TIAM2: variants seen among roughly 807,000 people sequenced by gnomAD.
TIAM2 encodes the protein rho guanine nucleotide exchange factor TIAM2.
TIAM2 carries 80 observed loss-of-function variants against 152.9 expected under a neutral mutation model. That is an observed-to-expected ratio of 0.52 (90% CI 0.44 to 0.63). TIAM2 has a LOEUF of 0.63. Among genes scored for constraint, TIAM2 ranks in the 30% least tolerant of loss-of-function variants. The pLI, the probability that TIAM2 is intolerant of heterozygous loss-of-function variation, is 0.00. For synonymous variants in TIAM2, 804 were observed against 838.0 expected (o/e 0.96, Z 0.70); for missense variants, 1,965 against 2,120.1 (o/e 0.93, Z 1.44).
At chr6:155,161,738 T>G (rs1265768170) in intron 7 of TIAM2, among the ~76,000 whole-genome samples, 1 of 41,722 alleles carries the variant, frequency 2.4e-5, no homozygotes, top group East Asian at 1.0e-3. Context: ...TGGCTAATGT[T>G]TTTTTTTTTT....
At chr6:155,173,438 C>T (rs747296929) in intron 9 of TIAM2, among the ~76,000 whole-genome samples, 2 of 152,186 alleles carry the variant, frequency 1.3e-5, no homozygotes, top group South Asian at 4.1e-4. Context: ...TCCTTCCATC[C>T]TTCCATCTAT....
chr6:155,120,862 G>C (rs1237311020), intron 2 of TIAM2, among the ~76,000 whole-genome samples: 1 of 152,150 alleles, frequency 6.6e-6, no homozygotes, highest in East Asian at 1.9e-4. Context: ...ATGTCCCTTG[G>C]GGGACAAAAT....
chr6:155,157,049 C>G (rs1780135460), intron 7 of TIAM2, among the ~76,000 whole-genome samples: 1 of 152,192 alleles, frequency 6.6e-6, no homozygotes, highest in Non-Finnish European at 1.5e-5. Flanking sequence ...TAAGGTTGCT[C>G]CTGCTATAAA....
chr6:155,084,238 T>C (rs1357097954), intron 1 of TIAM2, among the ~76,000 whole-genome samples: 1 of 152,124 alleles, frequency 6.6e-6, no homozygotes, highest in Non-Finnish European at 1.5e-5. Context: ...CACAGCCTCT[T>C]ACCCCCACCC....
intron 15 of TIAM2, among the ~76,000 whole-genome samples, chr6:155,230,296 C>G (rs1006340237): frequency 1.3e-5 from 2 of 152,234 alleles, no homozygotes; most frequent in African/African-American, 4.8e-5. Context: ...GACCCTGCCT[C>G]TCTGTCCTGC....
chr6:155,218,718 G>A lies in TIAM2; in HGVS notation c.3168+7411G>A, dbSNP rs999791239. Among the ~76,000 whole-genome samples the A allele has an allele frequency of 5.3e-5, 8 of 152,156 alleles. No homozygotes were observed. The highest frequency in any genetic ancestry group is 1.9e-4 in the African/African-American group (8 of 41,432). On this transcript the variant is annotated intron_variant, in intron 15 of 26. Coordinates refer to ENST00000682666, the MANE Select transcript of TIAM2 (RefSeq NM_012454.4). The surrounding 1 kb of genome is among the most constrained non-coding windows in gnomAD (Gnocchi z 4.5). ...CTAATGGCCTCTTGAGCTGAGATTC[G>A]ATGTCAGGTAGGAAACTGAACAAAT...
At chr6:154,997,134 T>A (rs1433836953) in intron 1 of TIAM2, among the ~76,000 whole-genome samples, 1 of 152,226 alleles carries the variant, frequency 6.6e-6, no homozygotes, top group Non-Finnish European at 1.5e-5. Flanking sequence ...TCAGAAGTTG[T>A]TATTTCCAGA....
chr6:155,019,813 G>C (rs1776432473), intron 1 of TIAM2, among the ~76,000 whole-genome samples: 3 of 152,214 alleles, frequency 2.0e-5, no homozygotes, highest in Admixed American at 1.3e-4. Flanking sequence ...CCAGCACTTT[G>C]GGAGGCCGAG....
intron 5 of TIAM2, 92 bp downstream of exon 5, chr6:155,137,704 G>A: frequency 7.3e-7 from 1 of 1,365,758 alleles, no homozygotes; most frequent in Non-Finnish European, 9.8e-7. Context: ...GCATTGATTT[G>A]AGTTCACATG....
In TIAM2 at chr6:155,211,394, A is replaced by G. The variant is rs944111148; in HGVS notation, c.3168+87A>G. On this transcript the variant is annotated intron_variant, in intron 15 of 26. Transcript: ENST00000682666. ...TACCTAAGGTGGGGAAAGGAGATGG[A>G]GTTACCTATCTCTAGGTCCAGCAGT... 8 of 1,017,726 alleles carry G rather than the reference A, an allele frequency of 7.9e-6. No individual in the cohort carries two copies. In the African/African-American group the frequency reaches 8.0e-5, roughly 10 times the overall value. 63.0% of individuals were successfully genotyped at this position (1,017,726 alleles called of 1,614,324 possible). A position where few individuals can be genotyped will look rare whatever the true frequency, so the allele number is the denominator to read the frequency against.
chr6:155,140,573 T>TGTGAGAGAGAGAGAGA (rs1331424200), intron 5 of TIAM2, among the ~76,000 whole-genome samples: 1 of 107,404 alleles, frequency 9.3e-6, no homozygotes, highest in Non-Finnish European at 1.8e-5. Context: ...TGTGTGTGTG[T>TGTGAGAGAGAGAGAGA]GAGAGAGAGA....
intron 1 of TIAM2, among the ~76,000 whole-genome samples, chr6:155,030,900 C>A (rs1049448977): frequency 1.3e-5 from 2 of 152,084 alleles, no homozygotes; most frequent in Non-Finnish European, 1.5e-5. Context: ...CGTTAGAAGA[C>A]TTGGGGAAAT....
At chr6:154,997,083 C>T (rs1778226476) in intron 1 of TIAM2, among the ~76,000 whole-genome samples, 1 of 152,138 alleles carries the variant, frequency 6.6e-6, no homozygotes, top group African/African-American at 2.4e-5. Flanking sequence ...TCCTGGCTCT[C>T]CCCCGCTTGC....
intron 1 of TIAM2, among the ~76,000 whole-genome samples, chr6:155,037,774 C>T (rs754362811): frequency 1.3e-5 from 2 of 152,138 alleles, no homozygotes; most frequent in Non-Finnish European, 2.9e-5. Context: ...AAGTGATCTG[C>T]CCGCCTCCAC....
At chr6:155,054,762 C>T (rs2062411) in intron 1 of TIAM2, among the ~76,000 whole-genome samples, 49,621 of 151,730 alleles carry the variant, frequency 0.33, 8,397 homozygotes, top group African/African-American at 0.43. Flanking sequence ...AAGGATCTGC[C>T]GTGATATTGG....
intron 24 of TIAM2, 176 bp downstream of exon 24, chr6:155,253,229 A>C (rs140928415): frequency 6.1e-5 from 33 of 537,332 alleles, no homozygotes; most frequent in Non-Finnish European, 9.8e-5. Context: ...GGGAGAAACT[A>C]AATGCTGGTG....
intron 2 of TIAM2, among the ~76,000 whole-genome samples, chr6:155,097,008 C>G (rs771846327): frequency 9.2e-5 from 14 of 152,190 alleles, no homozygotes; most frequent in Non-Finnish European, 1.6e-4. Context: ...TCCTCTCTAG[C>G]ATCTGTCATT....
At chr6:155,073,232 G>A (rs557552858) in intron 1 of TIAM2, among the ~76,000 whole-genome samples, 2 of 140,988 alleles carry the variant, frequency 1.4e-5, no homozygotes, top group African/African-American at 2.7e-5. Flanking sequence ...GCACAATCTC[G>A]GCTCACTGCA....
At chr6:155,183,990 T>G (rs1780973585) in intron 14 of TIAM2, among the ~76,000 whole-genome samples, 1 of 152,148 alleles carries the variant, frequency 6.6e-6, no homozygotes. Flanking sequence ...AATTTATTTT[T>G]ATTTTTATTT....
Sources: allele counts gnomAD v4.1 joint callset (sites outside exome capture counted in the v4.1 genomes callset), GRCh38; gene constraint gnomAD v4.1.1; non-coding constraint Gnocchi (gnomAD v3.1); transcripts MANE v1.5; gene names NCBI Gene and HGNC (gene_info 2026-07-23, HGNC 2026-07-21).